LIN7A: variants seen among roughly 807,000 people sequenced by gnomAD.
LIN7A encodes protein lin-7 homolog A.
In LIN7A, 25 loss-of-function variants were observed where a neutral mutation model predicts 29.8. That is an observed-to-expected ratio of 0.84 (90% CI 0.61 to 1.17). LIN7A has a LOEUF of 1.17. Among genes scored for constraint, LIN7A ranks in the 50% most tolerant of loss-of-function variants. LIN7A has a pLI of 0.00. For synonymous variants in LIN7A, 118 were observed against 107.5 expected (o/e 1.10, Z -0.60); for missense variants, 239 against 287.0 (o/e 0.83, Z 1.21).
chr12:80,871,762 A>G (rs1165042824), intron 2 of LIN7A, among the ~76,000 whole-genome samples: 1 of 151,890 alleles, frequency 6.6e-6, no homozygotes, highest in Non-Finnish European at 1.5e-5. Context: ...AAATATAAGT[A>G]TTGATGGTAA....
At chr12:80,922,667 A>T (rs1877376112) in intron 1 of LIN7A, among the ~76,000 whole-genome samples, 1 of 152,196 alleles carries the variant, frequency 6.6e-6, no homozygotes, top group South Asian at 2.1e-4. Flanking sequence ...CAGATACAGT[A>T]ATCCCCCCTT....
intron 1 of LIN7A, among the ~76,000 whole-genome samples, chr12:80,918,196 C>T (rs1414666014): frequency 6.6e-6 from 1 of 151,908 alleles, no homozygotes; most frequent in Non-Finnish European, 1.5e-5. Context: ...TACAGGCATG[C>T]ACCACCAGGC....
intron 2 of LIN7A, among the ~76,000 whole-genome samples, chr12:80,850,343 T>C (rs144025410): frequency 4.5e-3 from 683 of 152,288 alleles, no homozygotes; most frequent in Middle Eastern, 6.8e-3. Context: ...TTAAATAAGA[T>C]AAGAACAATT....
chr12:80,808,268 G>A (rs1283027545), intron 5 of LIN7A, among the ~76,000 whole-genome samples: 1 of 152,158 alleles, frequency 6.6e-6, no homozygotes, highest in East Asian at 1.9e-4. Context: ...CAGTCAAGTT[G>A]CTACCAAGCA....
rs565436327 is a variant in LIN7A at position 80,797,099 on chromosome 12, C to T, written c.*628G>A. On this transcript the variant is annotated 3_prime_UTR_variant, in exon 6 of 6. Transcript: ENST00000552864. The stretch of plus-strand genomic sequence containing the variant: ...AACTAAAAGTTGAGCTAAAATTGGT[C>T]CATTCTATTAATGCATAATAAAATT... The T allele has an allele frequency of 2.0e-5, 3 of 152,222 alleles. No individual in the cohort carries two copies. The East Asian group carries it at 5.8e-4, about 29-fold the overall frequency. The allele number at this position is 152,222 out of a possible 1,614,324, so 9.4% of individuals were successfully genotyped here. A position where few individuals can be genotyped will look rare whatever the true frequency, so the allele number is the denominator to read the frequency against.
intron 1 of LIN7A, among the ~76,000 whole-genome samples, chr12:80,909,574 T>A (rs1876650328): frequency 6.6e-6 from 1 of 152,122 alleles, no homozygotes; most frequent in African/African-American, 2.4e-5. Context: ...TGGCATCTTT[T>A]GCTGTGTCCT....
intron 1 of LIN7A, among the ~76,000 whole-genome samples, chr12:80,919,162 C>A (rs568019701): frequency 6.6e-6 from 1 of 152,154 alleles, no homozygotes; most frequent in Admixed American, 6.6e-5. Context: ...CTGAGATGTA[C>A]AAATAAGCAC....
At chr12:80,902,543 G>A (rs1876279166) in intron 1 of LIN7A, among the ~76,000 whole-genome samples, 2 of 152,074 alleles carry the variant, frequency 1.3e-5, no homozygotes, top group South Asian at 4.1e-4. Flanking sequence ...TCTTTCAGCA[G>A]TGGTTTGTAG....
intron 5 of LIN7A, among the ~76,000 whole-genome samples, chr12:80,798,071 A>G (rs189024993): frequency 1.3e-5 from 2 of 152,310 alleles, no homozygotes; most frequent in South Asian, 2.1e-4. Flanking sequence ...TACGACTCTT[A>G]GGGCTTTTAG....
intron 4 of LIN7A, chr12:80,832,540 A>G (rs1411298162): frequency 2.1e-6 from 1 of 482,270 alleles, no homozygotes; most frequent in Non-Finnish European, 4.3e-6. Context: ...AATGCTCCTC[A>G]TTTATTGAAT....
chr12:80,909,108 AT>A (rs1876627639), intron 1 of LIN7A, among the ~76,000 whole-genome samples: 1 of 152,056 alleles, frequency 6.6e-6, no homozygotes, highest in African/African-American at 2.4e-5. Context: ...TAGGTCTTAC[AT>A]TTACATTTTT....
chr12:80,802,936 C>T (rs1281576157), intron 5 of LIN7A, among the ~76,000 whole-genome samples: 5 of 152,138 alleles, frequency 3.3e-5, no homozygotes, highest in African/African-American at 1.2e-4. Flanking sequence ...CCTTAGGCTT[C>T]TTTTGAGAAA....
At chr12:80,912,725 A>AG (rs1876824267) in intron 1 of LIN7A, among the ~76,000 whole-genome samples, 1 of 145,544 alleles carries the variant, frequency 6.9e-6, no homozygotes, top group African/African-American at 2.5e-5. Context: ...AAAAAAAAAA[A>AG]AAAAGAAAAG....
At chr12:80,921,059 C>G (rs1282183093) in intron 1 of LIN7A, among the ~76,000 whole-genome samples, 2 of 152,122 alleles carry the variant, frequency 1.3e-5, no homozygotes, top group Non-Finnish European at 2.9e-5. Flanking sequence ...ATGCTGAAGC[C>G]TAATCACCAA....
At chr12:80,837,849 A>ATCG (rs1046595714) in intron 4 of LIN7A, among the ~76,000 whole-genome samples, 3 of 151,802 alleles carry the variant, frequency 2.0e-5, no homozygotes, top group Non-Finnish European at 4.4e-5. Context: ...CCTCATCATC[A>ATCG]TCATCATCAT....
intron 2 of LIN7A, among the ~76,000 whole-genome samples, chr12:80,888,346 T>A (rs983851621): frequency 7.2e-5 from 11 of 152,122 alleles, no homozygotes; most frequent in Non-Finnish European, 1.2e-4. Context: ...GCGACTAAAC[T>A]AGTATTGTTG....
chr12:80,920,995 C>T (rs1441819600), intron 1 of LIN7A, among the ~76,000 whole-genome samples: 1 of 152,178 alleles, frequency 6.6e-6, no homozygotes, highest in Admixed American at 6.5e-5. Context: ...ATGATTGCTA[C>T]GCTCTCTTAG....
chr12:80,925,660 G>C (rs1877543932), intron 1 of LIN7A, among the ~76,000 whole-genome samples: 1 of 152,162 alleles, frequency 6.6e-6, no homozygotes, highest in Non-Finnish European at 1.5e-5. Context: ...GGAAATTGGA[G>C]AGCTATTAAG....
At chr12:80,841,321 A>T (rs1001408397) in intron 4 of LIN7A, among the ~76,000 whole-genome samples, 4 of 150,420 alleles carry the variant, frequency 2.7e-5, no homozygotes, top group Non-Finnish European at 4.4e-5. Flanking sequence ...AGAAAAGAAA[A>T]GAAATGAAAA....
Sources: allele counts gnomAD v4.1 joint callset (sites outside exome capture counted in the v4.1 genomes callset), GRCh38; gene constraint gnomAD v4.1.1; transcripts MANE v1.5; gene names NCBI Gene and HGNC (gene_info 2026-07-23, HGNC 2026-07-21).